Variants in HUWE1 observed in about 807,000 individuals in gnomAD.
HUWE1 encodes E3 ubiquitin-protein ligase HUWE1.
HUWE1 carries 18 observed loss-of-function variants against 299.4 expected under a neutral mutation model. That is an observed-to-expected ratio of 0.06 (90% confidence interval 0.04 to 0.09). HUWE1 has a LOEUF of 0.09. Ranked by LOEUF, HUWE1 falls within the 10% of genes least tolerant of loss-of-function variation. The pLI is 1.00. For missense variants in HUWE1, 1,832 were observed against 3,462.3 expected (o/e 0.53, Z 11.82); for synonymous variants, 1,317 against 1,286.1 (o/e 1.02, Z -0.51).
rs1186933374 is a variant in HUWE1, at chrX:53,532,673, A to G, written c.*636T>C. The G allele has an allele frequency of 4.5e-5, 5 of 110,564 alleles. No individual in the cohort carries two copies. The highest frequency in any genetic ancestry group is 1.6e-4 in the African/African-American group (5 of 30,428). 9.1% of individuals were successfully genotyped at this position (110,564 alleles called of 1,213,427 possible). ...CACCAGTGGTGGAGGCAGGTGGGCA[A>G]GCGGGTAGGGCAGGGATGGTTTCCT... is the stretch of plus-strand genomic sequence containing the variant. On this transcript the variant is annotated 3_prime_UTR_variant, in exon 84 of 84. Coordinates refer to ENST00000262854, the MANE Select transcript of HUWE1 (RefSeq NM_031407.7).
chrX:53,685,123 C>G (rs2070389567), intron 2 of HUWE1, among the ~76,000 whole-genome samples: 1 of 112,403 alleles, frequency 8.9e-6, no homozygotes, highest in South Asian at 3.6e-4. Context: ...TCTGTCCGTT[C>G]TAATTTAAAT....
chrX:53,604,204 G>A (rs781820624), intron 26 of HUWE1, among the ~76,000 whole-genome samples: 2 of 111,752 alleles, frequency 1.8e-5, no homozygotes, highest in Non-Finnish European at 3.8e-5. Context: ...CAGGTCAAAC[G>A]TTTGATATGT....
chrX:53,645,644 C>T (rs1197828184), intron 6 of HUWE1, among the ~76,000 whole-genome samples, 181 bp from the exon 7 acceptor site: 5 of 100,123 alleles, frequency 5.0e-5, no homozygotes, highest in Admixed American at 4.5e-4. Flanking sequence ...ACCCGGGAGG[C>T]GGAGCTTGCA....
intron 29 of HUWE1, among the ~76,000 whole-genome samples, chrX:53,597,972 G>T (rs1257829445): frequency 2.7e-5 from 3 of 111,773 alleles, no homozygotes; most frequent in African/African-American, 9.8e-5. Flanking sequence ...GAACTTAACA[G>T]GATTTATGAC....
intron 47 of HUWE1, among the ~76,000 whole-genome samples, chrX:53,571,001 C>T (rs939049268): frequency 8.9e-6 from 1 of 112,365 alleles, no homozygotes; most frequent in Non-Finnish European, 1.9e-5. Context: ...TCAATAACCA[C>T]GTAGAAAGGA....
rs1192059818 is a variant in HUWE1 at position 53,566,113 on chromosome X, A to ATGTGTG, written c.6708-875_6708-874insCACACA. 9.9e-3 allele frequency among the ~76,000 whole-genome samples: 551 copies of ATGTGTG among 55,385 alleles called. 7 individuals carry two copies. The highest frequency in any genetic ancestry group is 0.058 in the South Asian group (42 of 723). The allele number at this position is 55,385 out of a possible 115,157, so 48.1% of individuals were successfully genotyped here. A position where few individuals can be genotyped will look rare whatever the true frequency, so the allele number is the denominator to read the frequency against. On this transcript the variant is annotated intron_variant, in intron 49 of 83. Transcript: ENST00000262854. ...AGTCTATGTATGTATGTATGTATGT[A>ATGTGTG]TGTATGTGTGTGTGTGTGTGTATAT...
At chrX:53,648,652 T>TAAAAAAAAA (rs200874374) in intron 4 of HUWE1, among the ~76,000 whole-genome samples, 1 of 88,062 alleles carries the variant, frequency 1.1e-5, no homozygotes, top group Non-Finnish European at 2.2e-5. Context: ...GTTAAACATC[T>TAAAAAAAAA]AAAAAAAAAA....
chrX:53,549,564 C>A, intron 66 of HUWE1, 59 bp from the exon 67 acceptor site: 1 of 1,005,089 alleles, frequency 9.9e-7, no homozygotes, highest in Non-Finnish European at 1.4e-6. Context: ...TGGGATTAGG[C>A]ATAAGAATGG....
At chrX:53,612,334 C>T (rs1449006596) in intron 23 of HUWE1, among the ~76,000 whole-genome samples, 1 of 111,910 alleles carries the variant, frequency 8.9e-6, no homozygotes, top group Non-Finnish European at 1.9e-5. Context: ...TACTGGGGTA[C>T]AGTAACTACT....
At chrX:53,541,883 T>C (rs1556918828) in intron 74 of HUWE1, among the ~76,000 whole-genome samples, 1 of 110,884 alleles carries the variant, frequency 9.0e-6, no homozygotes, top group Non-Finnish European at 1.9e-5. Context: ...AAACAAAAGA[T>C]TTAAAACACA....
rs1556923296 is a variant in HUWE1 at position 53,546,774 on chromosome X, C to T, written c.10688G>A (p.Gly3563Asp). The change falls in exon 69 of 84, where the codon GGC becomes GAC. Residue 3563 changes from glycine (G) to aspartate (D), a missense_variant. By Grantham distance (94) the Gly-to-Asp change is moderately conservative. Coordinates refer to ENST00000262854, the MANE Select transcript of HUWE1 (RefSeq NM_031407.7). ...SKSPAKVSDG[G>D]SSSTDFKMVS... ...CATCTTAAAGTCTGTACTGCTGCTGCCCCCATCACTCACCTTCGCTGGAGA... is the reference window on the plus strand; with the variant it reads ...CATCTTAAAGTCTGTACTGCTGCTGTCCCCATCACTCACCTTCGCTGGAGA... 2 of 1,208,038 alleles carry T rather than the reference C, an allele frequency of 1.7e-6. No homozygotes were observed. Among genetic ancestry groups the T allele is most frequent in the African/African-American group, 1.8e-5 (1 of 57,080 alleles).
At chrX:53,670,230 CT>C (rs1420450952) in intron 3 of HUWE1, among the ~76,000 whole-genome samples, 3 of 112,005 alleles carry the variant, frequency 2.7e-5, no homozygotes, top group African/African-American at 9.7e-5. Context: ...TAAAATTCCC[CT>C]ATTTGGGGAG....
intron 17 of HUWE1, among the ~76,000 whole-genome samples, chrX:53,627,096 T>C (rs1428394181): frequency 9.0e-6 from 1 of 111,600 alleles, no homozygotes; most frequent in Non-Finnish European, 1.9e-5. Flanking sequence ...CCCATGGAGC[T>C]TGAATTTTAG....
At chrX:53,627,945 C>T in intron 15 of HUWE1, 66 bp from the exon 16 acceptor site, 1 of 1,027,909 alleles carries the variant, frequency 9.7e-7, no homozygotes, top group Non-Finnish European at 1.4e-6. Flanking sequence ...AAATTGCATG[C>T]TTTTGTATAC....
At position 53,535,187 on chromosome X, in the gene HUWE1, G is replaced by A. The variant is rs782537574; in HGVS notation, c.12649+197C>T. On this transcript the variant is annotated intron_variant, in intron 81 of 83. Coordinates refer to ENST00000262854, the MANE Select transcript of HUWE1 (RefSeq NM_031407.7). ...TCACCTCAACTGATCCGCCCACCTT[G>A]GCCTCCCAAAGTGCTGGGATTATAG... is the stretch of plus-strand genomic sequence containing the variant. Among the ~76,000 whole-genome samples, 25 of 110,850 alleles carry A rather than the reference G, an allele frequency of 2.3e-4. No individual in the cohort carries two copies. In the East Asian group the frequency reaches 5.4e-3, roughly 24 times the overall value.
At chrX:53,657,032 T>C (rs2068780649) in intron 3 of HUWE1, among the ~76,000 whole-genome samples, 1 of 111,861 alleles carries the variant, frequency 8.9e-6, no homozygotes, top group Non-Finnish European at 1.9e-5. Context: ...TCACACTTTA[T>C]ATAAAAAATT....
intron 3 of HUWE1, among the ~76,000 whole-genome samples, chrX:53,674,984 C>T (rs948056856): frequency 1.8e-5 from 2 of 111,812 alleles, no homozygotes; most frequent in Non-Finnish European, 3.8e-5. Context: ...TACATCATCT[C>T]GCTTTAATGC....
chrX:53,605,621 T>G (rs369698376), intron 25 of HUWE1, among the ~76,000 whole-genome samples: 2 of 112,524 alleles, frequency 1.8e-5, no homozygotes. Flanking sequence ...TTTAATGCAA[T>G]CACTATCAAA....
Position 53,539,791 on chromosome X carries a change from C to T in HUWE1, c.11498G>A (p.Gly3833Glu). ...TGGTCTTTCTTCCTTTTCCTTCTCC[C>T]CCTGTGGGGTTCCATCGGAGGCTGG... ...QSIASDGTPQ[G>E]EKEKEERPPE... The change falls in exon 75 of 84, where the codon GGG becomes GAG. Residue 3833 changes from glycine (G) to glutamate (E), a missense_variant. By Grantham distance (98) the Gly-to-Glu change is moderately conservative. Coordinates refer to ENST00000262854, the MANE Select transcript of HUWE1 (RefSeq NM_031407.7). 1 of 1,210,458 alleles carries T rather than the reference C, an allele frequency of 8.3e-7. No individual in the cohort carries two copies. The highest frequency in any genetic ancestry group is 3.0e-5 in the East Asian group (1 of 33,829).
Sources: allele counts gnomAD v4.1 joint callset (sites outside exome capture counted in the v4.1 genomes callset), GRCh38; gene constraint gnomAD v4.1.1; transcripts MANE v1.5; gene names NCBI Gene and HGNC (gene_info 2026-07-23, HGNC 2026-07-21).